Variants in ZNF324B observed in about 807,000 individuals in gnomAD.
ZNF324B encodes zinc finger protein 324B.
Under a neutral mutation model 10.6 loss-of-function variants are expected in ZNF324B, and 7 were observed. That is an observed-to-expected ratio of 0.66 (90% confidence interval 0.38 to 1.24). The LOEUF (loss-of-function observed/expected upper bound fraction) is 1.24. Ranked by LOEUF, ZNF324B falls within the 50% of genes most tolerant of loss-of-function variation. ZNF324B has a pLI of 0.02. For synonymous variants in ZNF324B, 316 were observed against 321.0 expected (o/e 0.98, Z 0.17); for missense variants, 640 against 764.7 (o/e 0.84, Z 1.92).
At chr19:58,451,620 C>G (rs1408473193), upstream of ZNF324B, 1 of 517,440 alleles carries the variant, frequency 1.9e-6, no homozygotes, top group Non-Finnish European at 3.9e-6. Context: ...GGCGTTGGGA[C>G]TGTCACTTGG....
chr19:58,449,144 G>A (rs1350227053), upstream of ZNF324B, among the ~76,000 whole-genome samples: 1 of 152,234 alleles, frequency 6.6e-6, no homozygotes, highest in Non-Finnish European at 1.5e-5. Context: ...GTACAGCTTA[G>A]GCTGTGGCTT....
the ZNF324B span, chr19:58,437,164 T>A: frequency 6.2e-7 from 1 of 1,613,600 alleles, no homozygotes; most frequent in East Asian, 2.2e-5. Flanking sequence ...TCTTCAAAGG[T>A]TACCATGCTC....
chr19:58,422,250 CG>C, the ZNF324B span, among the ~76,000 whole-genome samples: 1 of 152,046 alleles, frequency 6.6e-6, no homozygotes, highest in African/African-American at 2.4e-5. Flanking sequence ...CTCAACTAGG[CG>C]TAGAAGGAAC....
chr19:58,449,943 G>C (rs2052843696), upstream of ZNF324B, among the ~76,000 whole-genome samples: 1 of 152,102 alleles, frequency 6.6e-6, no homozygotes, highest in Non-Finnish European at 1.5e-5. Flanking sequence ...ATTTGGGAGG[G>C]GCGAGGAACA....
At chr19:58,452,762 G>C in intron 1 of ZNF324B, 2 of 591,376 alleles carry the variant, frequency 3.4e-6, no homozygotes, top group Non-Finnish European at 4.3e-6. Flanking sequence ...GCAGTCAGGC[G>C]TGCGGAGTTA....
chr19:58,433,563 G>A, the ZNF324B span: 37 of 1,614,020 alleles, frequency 2.3e-5, 1 homozygote, highest in East Asian at 6.7e-5. Flanking sequence ...CACTGCATTC[G>A]TAAGGCCTTT....
chr19:58,453,764 G>A lies in ZNF324B; in HGVS notation c.63G>A (p.Ala21=), dbSNP rs754601248. The A allele has an allele frequency of 2.0e-5, 32 of 1,614,056 alleles. 1 individual carries two copies. Among genetic ancestry groups the A allele is most frequent in the African/African-American group, 1.3e-4 (10 of 74,924 alleles). The change falls in exon 2 of 4, where the codon GCG becomes GCA. Residue 21 remains alanine, a synonymous_variant. Coordinates refer to ENST00000336614, the MANE Select transcript of ZNF324B (RefSeq NM_207395.3). ...SQEEWGLLDT[A]QRALYRHVML... ...AGGAGTGGGGGCTCCTGGACACAGCGCAGAGGGCCCTGTACCGCCACGTGA... is the reference window on the plus strand; with the variant it reads ...AGGAGTGGGGGCTCCTGGACACAGCACAGAGGGCCCTGTACCGCCACGTGA...
At chr19:58,434,297 C>T in the ZNF324B span, 1 of 1,614,170 alleles carries the variant, frequency 6.2e-7, no homozygotes, top group Non-Finnish European at 8.5e-7. Context: ...TGGCTGAAGG[C>T]TCTTCCACAT....
chr19:58,420,998 C>G, the ZNF324B span, among the ~76,000 whole-genome samples: 1 of 150,460 alleles, frequency 6.6e-6, no homozygotes, highest in African/African-American at 2.5e-5. Flanking sequence ...GCCACCGCAC[C>G]CAGCCTATAT....
intron 1 of ZNF324B, chr19:58,452,057 C>T (rs1439074653): frequency 1.1e-5 from 2 of 188,416 alleles, no homozygotes; most frequent in Admixed American, 6.4e-5. Context: ...GCTTCCTAGA[C>T]CTCGCCTAGT....
Position 58,455,027 on chromosome 19 carries a change from C to T in ZNF324B, c.239-156C>T. 3 of 1,037,990 alleles carry T rather than the reference C, an allele frequency of 2.9e-6. No individual in the cohort carries two copies. Among genetic ancestry groups the T allele is most frequent in the South Asian group, 1.3e-5 (1 of 75,492 alleles). 64.3% of individuals were successfully genotyped at this position (1,037,990 alleles called of 1,614,324 possible). On this transcript the variant is annotated intron_variant, in intron 3 of 3. Coordinates refer to ENST00000336614, the MANE Select transcript of ZNF324B (RefSeq NM_207395.3). This position sits in a 1 kb window ranked among gnomAD's most constrained non-coding sequence, Gnocchi z 7.0. ...ACACCTGTCAGGGCAGATGCTTCCTCCAAACCCCAGCCCCTCCTGCAGAGC... is the reference window on the plus strand; with the variant it reads ...ACACCTGTCAGGGCAGATGCTTCCTTCAAACCCCAGCCCCTCCTGCAGAGC...
Position 58,457,353 on chromosome 19 carries a change from G to A in ZNF324B, c.*774G>A, listed in dbSNP as rs1170769558. ...GGATGATGGCTTTCCAGTGGCACTC[G>A]TTCAGGTTTTCGTCCAAGTCTCAGC... On this transcript the variant is annotated 3_prime_UTR_variant, in exon 4 of 4. Coordinates refer to ENST00000336614, the MANE Select transcript of ZNF324B (RefSeq NM_207395.3). 2 of 152,588 alleles carry A rather than the reference G, an allele frequency of 1.3e-5. No individual in the cohort carries two copies. Among genetic ancestry groups the A allele is most frequent in the Admixed American group, 6.5e-5 (1 of 15,286 alleles). 9.5% of individuals were successfully genotyped at this position (152,588 alleles called of 1,614,324 possible).
chr19:58,439,636 A>AC, the ZNF324B span: 1 of 1,064,392 alleles, frequency 9.4e-7, no homozygotes, highest in African/African-American at 1.7e-5. Context: ...AGGGCCCAGG[A>AC]CCCACGTGTG....
At chr19:58,421,378 G>C in the ZNF324B span, among the ~76,000 whole-genome samples, 2 of 152,072 alleles carry the variant, frequency 1.3e-5, no homozygotes, top group Non-Finnish European at 2.9e-5. Flanking sequence ...TTTTTAGGGG[G>C]AACGGAAGCC....
chr19:58,436,912 G>T, the ZNF324B span: 1 of 1,199,770 alleles, frequency 8.3e-7, no homozygotes, highest in Non-Finnish European at 1.2e-6. Flanking sequence ...CAGAACCTCA[G>T]CACCCCAGCA....
chr19:58,440,493 A>AT, the ZNF324B span: 1 of 152,442 alleles, frequency 6.6e-6, no homozygotes, highest in African/African-American at 2.4e-5. Flanking sequence ...GCATTTCTCG[A>AT]TTTTGTCTGC....
At chr19:58,421,787 T>G in the ZNF324B span, among the ~76,000 whole-genome samples, 1 of 152,238 alleles carries the variant, frequency 6.6e-6, no homozygotes, top group Non-Finnish European at 1.5e-5. Context: ...AAAATGTTGC[T>G]GAGAGACTGA....
chr19:58,435,609 TGAC>T, the ZNF324B span: 9 of 163,266 alleles, frequency 5.5e-5, no homozygotes, highest in Non-Finnish European at 1.2e-4. Context: ...AAAAAATAAA[TGAC>T]AACAAATGAA....
the ZNF324B span, chr19:58,419,082 C>T: frequency 6.6e-6 from 1 of 152,124 alleles, no homozygotes; most frequent in Admixed American, 6.6e-5. Flanking sequence ...CAAGGTTGGC[C>T]TAATTTGTAT....
Sources: gnomAD v4.1 joint callset for allele counts (sites outside exome capture counted in the v4.1 genomes callset) on GRCh38, gnomAD v4.1.1 for gene constraint, Gnocchi (gnomAD v3.1) non-coding constraint, MANE v1.5 for transcripts, NCBI Gene and HGNC (gene_info 2026-07-23, HGNC 2026-07-21) for gene names.